Variants in SOX5 observed in about 807,000 individuals in gnomAD.
SOX5 encodes the protein SRY-box transcription factor 5.
In SOX5, 9 loss-of-function variants were observed where a neutral mutation model predicts 92.0. That is an observed-to-expected ratio of 0.10 (90% CI 0.06 to 0.17). SOX5 has a LOEUF of 0.17. Ranked by LOEUF, SOX5 falls within the 10% of genes least tolerant of loss-of-function variation. The pLI, the probability that SOX5 is intolerant of heterozygous loss-of-function variation, is 1.00. For synonymous variants in SOX5, 344 were observed against 336.3 expected (o/e 1.02, Z -0.25); for missense variants, 642 against 944.5 (o/e 0.68, Z 4.20).
intron 4 of SOX5, among the ~76,000 whole-genome samples, chr12:24,074,674 CTT>C (rs1281668533): frequency 2.4e-5 from 3 of 127,010 alleles, no homozygotes; most frequent in African/African-American, 8.6e-5. Context: ...CAATTTAAGT[CTT>C]AATTTTTTCA....
Position 23,857,969 on chromosome 12 carries a change from G to A in SOX5, c.271-11776C>T, listed in dbSNP as rs965253580. On this transcript the variant is annotated intron_variant, in intron 2 of 14. Transcript: ENST00000451604. ...GGCTGGTCTTGAACTCCTGACCTCA[G>A]GTGATCTGCCTGCCTCGGCCTCCCA... 3.3e-5 allele frequency among the ~76,000 whole-genome samples: 5 copies of A among 152,084 alleles called. No homozygotes were observed. In the East Asian group the frequency reaches 9.7e-4, roughly 29 times the overall value.
chr12:24,367,098 T>C (rs909127171), intron 2 of SOX5, among the ~76,000 whole-genome samples: 1 of 152,160 alleles, frequency 6.6e-6, no homozygotes, highest in Admixed American at 6.5e-5. Context: ...TAGGAAATAA[T>C]TTTTATGCAT....
At chr12:24,241,819 T>C (rs148988317) in intron 3 of SOX5, among the ~76,000 whole-genome samples, 4 of 152,296 alleles carry the variant, frequency 2.6e-5, no homozygotes, top group African/African-American at 7.2e-5. Flanking sequence ...TAAAATACAA[T>C]AAGTATTGGT....
intron 10 of SOX5, among the ~76,000 whole-genome samples, chr12:23,567,423 G>T (rs1947319297): frequency 6.7e-6 from 1 of 150,198 alleles, no homozygotes; most frequent in African/African-American, 2.4e-5. Flanking sequence ...AGAAATTTGT[G>T]AGATTCTGTA....
intron 5 of SOX5, among the ~76,000 whole-genome samples, chr12:23,736,791 A>G (rs1386605542): frequency 6.6e-6 from 1 of 151,596 alleles, no homozygotes; most frequent in African/African-American, 2.4e-5. Context: ...CCTGAGTTCA[A>G]ATGATTCATC....
chr12:24,035,234 C>T (rs1260886158), intron 4 of SOX5, among the ~76,000 whole-genome samples: 1 of 152,046 alleles, frequency 6.6e-6, no homozygotes, highest in Non-Finnish European at 1.5e-5. Flanking sequence ...ATGGCATCTA[C>T]TTTTTAATTT....
intron 1 of SOX5, among the ~76,000 whole-genome samples, chr12:24,421,335 G>T (rs1003878606): frequency 6.6e-6 from 1 of 151,972 alleles, no homozygotes; most frequent in Non-Finnish European, 1.5e-5. Context: ...GCAATATAAA[G>T]AAAAAATGAC....
At chr12:23,879,644 A>G (rs1238602687) in intron 2 of SOX5, among the ~76,000 whole-genome samples, 1 of 152,170 alleles carries the variant, frequency 6.6e-6, no homozygotes, top group Non-Finnish European at 1.5e-5. Context: ...GTCTCACAAC[A>G]TGCTGACTTG....
intron 1 of SOX5, among the ~76,000 whole-genome samples, chr12:24,410,088 C>T (rs1398653126): frequency 1.3e-5 from 2 of 152,138 alleles, no homozygotes; most frequent in South Asian, 2.1e-4. Flanking sequence ...GCCTCGACCT[C>T]CTAGACTCAG....
At chr12:24,167,620 T>C (rs1953570323) in intron 4 of SOX5, among the ~76,000 whole-genome samples, 1 of 152,244 alleles carries the variant, frequency 6.6e-6, no homozygotes, top group Admixed American at 6.5e-5. Context: ...AAATGATTTC[T>C]GTCTCTCAAT....
chr12:23,912,609 A>G (rs895264883), intron 1 of SOX5, among the ~76,000 whole-genome samples: 7 of 152,206 alleles, frequency 4.6e-5, no homozygotes, highest in Admixed American at 4.6e-4. Context: ...ATGATGAATG[A>G]AAAAACAATA....
chr12:23,779,810 T>TACACACACAC (rs1333274564), intron 3 of SOX5, among the ~76,000 whole-genome samples: 1 of 98,654 alleles, frequency 1.0e-5, no homozygotes, highest in African/African-American at 4.4e-5. Flanking sequence ...TATATATATA[T>TACACACACAC]ATATACACAC....
rs543217071 is a variant in SOX5 at position 24,179,951 on chromosome 12, A to G, written c.-2+33392T>C. Among the ~76,000 whole-genome samples the G allele has an allele frequency of 2.6e-5, 4 of 151,838 alleles. No individual in the cohort carries two copies. In the East Asian group the frequency reaches 5.8e-4, roughly 22 times the overall value. On this transcript the variant is annotated intron_variant, in intron 4 of 4. Coordinates refer to the SOX5 transcript ENST00000446891. Reference sequence around the variant, plus strand: ...ATAATCTTTTTTTTTATTAAAAAAAAAAAAGAAAAGAAAAGTTATGGGACC... The same window carrying G: ...ATAATCTTTTTTTTTATTAAAAAAAGAAAAGAAAAGAAAAGTTATGGGACC...
chr12:23,584,604 T>C (rs754508398), intron 9 of SOX5: 1 of 1,606,074 alleles, frequency 6.2e-7, no homozygotes, highest in South Asian at 1.1e-5. Flanking sequence ...CCACTATAAC[T>C]GACTGTTTAA....
intron 2 of SOX5, among the ~76,000 whole-genome samples, chr12:23,869,405 C>G (rs755347795): frequency 6.6e-6 from 1 of 152,140 alleles, no homozygotes; most frequent in African/African-American, 2.4e-5. Context: ...CACCTCCACA[C>G]ACATTTTCAA....
chr12:23,593,320 C>T (rs10842188), intron 9 of SOX5, among the ~76,000 whole-genome samples: 46,203 of 151,986 alleles, frequency 0.3, 8,340 homozygotes, highest in Middle Eastern at 0.44. Context: ...TCAAGTCATA[C>T]AATTTCTGGT....
At position 23,885,922 on chromosome 12, in the gene SOX5, G is replaced by A. The variant is rs549635589; in HGVS notation, c.270+9871C>T. Among the ~76,000 whole-genome samples, 13 of 151,278 alleles carry A rather than the reference G, an allele frequency of 8.6e-5. No homozygotes were observed. In the Middle Eastern group the frequency reaches 0.014, roughly 162 times the overall value. On this transcript the variant is annotated intron_variant, in intron 2 of 14. Transcript: ENST00000451604. ...AGATCAAAATGGGTAGCATACTAAA[G>A]TTCTATCATGAATTGAGTTTCAATG...
intron 2 of SOX5, among the ~76,000 whole-genome samples, chr12:24,309,470 A>T (rs1948957206): frequency 6.6e-6 from 1 of 152,166 alleles, no homozygotes; most frequent in South Asian, 2.1e-4. Context: ...TTTAAAGTTG[A>T]TCTTATCAAA....
chr12:24,105,791 T>C (rs1443143159), intron 4 of SOX5, among the ~76,000 whole-genome samples: 1 of 152,194 alleles, frequency 6.6e-6, no homozygotes, highest in African/African-American at 2.4e-5. Context: ...GAATTAATGG[T>C]AATTTTCTGA....
Sources: gnomAD v4.1 joint callset for allele counts (sites outside exome capture counted in the v4.1 genomes callset) on GRCh38, gnomAD v4.1.1 for gene constraint, MANE v1.5 for transcripts, NCBI Gene and HGNC (gene_info 2026-07-23, HGNC 2026-07-21) for gene names.